The following VWCE variants were observed in gnomAD, a reference collection of about 807,000 sequenced individuals.
VWCE encodes the protein von Willebrand factor C and EGF domains.
Under a neutral mutation model 102.9 loss-of-function variants are expected in VWCE, and 68 were observed. That is an observed-to-expected ratio of 0.66 (90% CI 0.54 to 0.81). The LOEUF (loss-of-function observed/expected upper bound fraction) is 0.81. Among genes scored for constraint, VWCE ranks in the 30% least tolerant of loss-of-function variants. VWCE has a pLI of 0.00. For synonymous variants in VWCE, 497 were observed against 515.4 expected (o/e 0.96, Z 0.48); for missense variants, 1,137 against 1,263.6 (o/e 0.90, Z 1.52).
chr11:61,260,725 T>A (rs1213964123), intron 19 of VWCE, among the ~76,000 whole-genome samples: 2 of 152,166 alleles, frequency 1.3e-5, no homozygotes, highest in Admixed American at 1.3e-4. Flanking sequence ...TATTTTTTAA[T>A]AAAGTGCTGA....
At chr11:61,272,279 T>A (rs1314400859) in intron 13 of VWCE, among the ~76,000 whole-genome samples, 1 of 151,020 alleles carries the variant, frequency 6.6e-6, no homozygotes, top group Non-Finnish European at 1.5e-5. Flanking sequence ...CAAATACACT[T>A]ACATACACAT....
At chr11:61,271,394 C>CGTA in intron 14 of VWCE, 1 of 322,162 alleles carries the variant, frequency 3.1e-6, no homozygotes, top group Non-Finnish European at 6.1e-6. Flanking sequence ...ATCCACCCAC[C>CGTA]TCGGCCTCCC....
chr11:61,269,122 C>A, intron 14 of VWCE, 104 bp from the exon 15 acceptor site: 1 of 1,078,776 alleles, frequency 9.3e-7, no homozygotes. Flanking sequence ...CAAGGCTTGC[C>A]CTGAAAGGCA....
In VWCE at chr11:61,269,035, C is replaced by CT; in HGVS notation, c.1786-18dup. On this transcript the variant is annotated splice_polypyrimidine_tract_variant and intron_variant, in intron 14 of 19. Transcript: ENST00000335613. ...GCCATCTGCCTGGAGGAAGGAGGAA[C>CT]TTCACCAAGACCCCACCGGTGACAC... The CT allele has an allele frequency of 6.2e-7, 1 of 1,613,016 alleles. No homozygotes were observed. Among genetic ancestry groups the CT allele is most frequent in the Non-Finnish European group, 8.5e-7 (1 of 1,179,282 alleles).
At chr11:61,284,538 G>A (rs975020287) in intron 5 of VWCE, among the ~76,000 whole-genome samples, 14 of 152,140 alleles carry the variant, frequency 9.2e-5, no homozygotes, top group Non-Finnish European at 1.6e-4. Flanking sequence ...AGCCCTAACC[G>A]CCAATGTAAT....
At chr11:61,261,473 T>A (rs1002137908) in intron 19 of VWCE, among the ~76,000 whole-genome samples, 7 of 152,028 alleles carry the variant, frequency 4.6e-5, no homozygotes, top group African/African-American at 1.7e-4. Context: ...CTGGGCTCAG[T>A]GGCTCATGCC....
At chr11:61,279,008 C>T (rs1243864758) in intron 9 of VWCE, among the ~76,000 whole-genome samples, 1 of 151,826 alleles carries the variant, frequency 6.6e-6, no homozygotes, top group African/African-American at 2.4e-5. Context: ...CACTGCACTC[C>T]AGCCTGGGTG....
chr11:61,274,648 G>T lies in VWCE; in HGVS notation c.1496-64C>A. Reference sequence around the variant, plus strand: ...GGCAGAGGCAGCTAAAGAAAGGGGGGAACAAATGGGTAGGGAGCCCCGGGG... The same window carrying T: ...GGCAGAGGCAGCTAAAGAAAGGGGGTAACAAATGGGTAGGGAGCCCCGGGG... On this transcript the variant is annotated intron_variant, in intron 11 of 19. Coordinates refer to ENST00000335613, the MANE Select transcript of VWCE (RefSeq NM_152718.2). 4.0e-6 allele frequency: 6 copies of T among 1,483,454 alleles called. No homozygotes were observed. In the South Asian group the frequency reaches 6.9e-5, roughly 17 times the overall value. 91.9% of individuals were successfully genotyped at this position (1,483,454 alleles called of 1,614,324 possible). A position where few individuals can be genotyped will look rare whatever the true frequency, so the allele number is the denominator to read the frequency against.
Position 61,258,600 on chromosome 11 carries a change from T to C in VWCE, c.*75A>G. On this transcript the variant is annotated 3_prime_UTR_variant, in exon 20 of 20. Coordinates refer to ENST00000335613, the MANE Select transcript of VWCE (RefSeq NM_152718.2). ...CAGGCATCCCCACCAGGTTCATCCT[T>C]GGAGCTGCCCTGCACACACCCTGGG... 1 of 1,297,884 alleles carries C rather than the reference T, an allele frequency of 7.7e-7. No individual in the cohort carries two copies. The highest frequency in any genetic ancestry group is 9.9e-7 in the Non-Finnish European group (1 of 1,014,406). The allele number at this position is 1,297,884 out of a possible 1,614,324, so 80.4% of individuals were successfully genotyped here.
In VWCE at chr11:61,294,943, T is replaced by C; in HGVS notation, c.95A>G (p.His32Arg). 1 of 1,446,042 alleles carries C rather than the reference T, an allele frequency of 6.9e-7. No individual in the cohort carries two copies. The highest frequency in any genetic ancestry group is 2.9e-5 in the East Asian group (1 of 34,286). 89.6% of individuals were successfully genotyped at this position (1,446,042 alleles called of 1,614,324 possible). Residue 32 changes from histidine to arginine, a missense_variant, in exon 1 of 20, where the codon CAC (histidine) becomes CGC (arginine). His to Arg is a conservative substitution (Grantham distance 29). Coordinates refer to ENST00000335613, the MANE Select transcript of VWCE (RefSeq NM_152718.2). The surrounding 1 kb of genome is among the most constrained non-coding windows in gnomAD (Gnocchi z 6.3). ...GGGCGCTTACCTCTCGGCCGCGAAG[T>C]GCCCGGGCGGCTTCCTCCCGGTGTA... Reference protein sequence around the residue: ...RGYTGRKPPGHFAAERRRLGP... With the variant: ...RGYTGRKPPGRFAAERRRLGP...
Position 61,291,316 on chromosome 11 carries a change from G to A in VWCE, c.243C>T (p.Ile81=), listed in dbSNP as rs79643116. 5,036 of 1,611,916 alleles carry A rather than the reference G, an allele frequency of 3.1e-3. 149 individuals are homozygous for A. The African/African-American group carries it at 0.058, about 18-fold the overall frequency. ...CSFGCGSGIC[I]APNVCSCQDG... ...CCTGGCAGGAGCAGACATTGGGAGCGATGCAGATGCCACTCCCACAGCCGA... is the reference window on the plus strand; with the variant it reads ...CCTGGCAGGAGCAGACATTGGGAGCAATGCAGATGCCACTCCCACAGCCGA... The change falls in exon 3 of 20, where the codon ATC becomes ATT. Residue 81 remains isoleucine (I), a synonymous_variant. Transcript: ENST00000335613.
rs1424815467 is a variant in VWCE, at chr11:61,273,210, G to A, written c.1688C>T (p.Thr563Ile). Residue 563 changes from threonine (T) to isoleucine (I), a missense_variant, in exon 13 of 20, where the codon ACA (threonine) becomes ATA (isoleucine). Physicochemically the swap from Thr to Ile is moderately conservative, Grantham distance 89. Around this residue, in one of 5 missense-constraint regions of VWCE, gnomAD observed 212 missense variants for 235.1 expected, o/e 0.90. Transcript: ENST00000335613. ...CTGGACCAGCTCACCTGTCGAGGGT[G>A]TGGGCTCCTGGCAGGTGAAGCAACA... ...GQCCFTCQEP[T>I]PSTGCSLDDN... The A allele has an allele frequency of 6.2e-7, 1 of 1,613,854 alleles. No individual in the cohort carries two copies. The highest frequency in any genetic ancestry group is 1.3e-5 in the African/African-American group (1 of 74,892).
In VWCE at chr11:61,291,558, G is replaced by A. The variant is rs1021474673; in HGVS notation, c.129C>T (p.His43=). The change falls in exon 2 of 20, where the codon CAC becomes CAT. Residue 43 remains histidine (H), a synonymous_variant. Transcript: ENST00000335613. ...CACTCCCAAACCCAGAGAGGCAGAC[G>A]TGGGGGCCCAGTCGGCGTCTGCAAG... ...FAAERRRLGP[H]VCLSGFGSGC... 21 of 1,453,392 alleles carry A rather than the reference G, an allele frequency of 1.4e-5. No homozygotes were observed. Among genetic ancestry groups the A allele is most frequent in the African/African-American group, 2.9e-5 (2 of 69,138 alleles). 90.0% of individuals were successfully genotyped at this position (1,453,392 alleles called of 1,614,324 possible).
At chr11:61,279,968 C>G (rs541893412) in intron 9 of VWCE, among the ~76,000 whole-genome samples, 2 of 152,308 alleles carry the variant, frequency 1.3e-5, no homozygotes, top group East Asian at 3.9e-4. Context: ...CTCAAGTGAT[C>G]CGCCCACCTC....
Position 61,258,740 on chromosome 11 carries a change from TGGCTGCAAG to T in VWCE, c.2794_2802del (p.Leu932_Ala934del). On this transcript the variant is annotated inframe_deletion, in exon 20 of 20. Transcript: ENST00000335613. ...GGCTGCTGGGGGCCAGGGTGGGTGG[TGGCTGCAAG>T]GGCTGTGGAGAGTCTAGAGGTGGTG... 1 of 1,388,202 alleles carries T rather than the reference TGGCTGCAAG, an allele frequency of 7.2e-7. No homozygotes were observed. Among genetic ancestry groups the T allele is most frequent in the African/African-American group, 1.5e-5 (1 of 67,840 alleles). 86.0% of individuals were successfully genotyped at this position (1,388,202 alleles called of 1,614,324 possible). A position where few individuals can be genotyped will look rare whatever the true frequency, so the allele number is the denominator to read the frequency against.
Position 61,271,631 on chromosome 11 carries a change from G to C in VWCE, c.1785+44C>G, listed in dbSNP as rs78735340. On this transcript the variant is annotated intron_variant, in intron 14 of 19. Coordinates refer to ENST00000335613, the MANE Select transcript of VWCE (RefSeq NM_152718.2). ...CGCTTGTCTCCTCTGGGTGAGGCGG[G>C]GCAGCCAGGTAAAGCAGCTGAAGGC... 1,298 of 1,562,494 alleles carry C rather than the reference G, an allele frequency of 8.3e-4. 20 individuals are homozygous for C. In the East Asian group the frequency reaches 0.025, roughly 30 times the overall value.
intron 16 of VWCE, among the ~76,000 whole-genome samples, chr11:61,266,147 G>A (rs2134744400): frequency 6.6e-6 from 1 of 152,252 alleles, no homozygotes; most frequent in African/African-American, 2.4e-5. Flanking sequence ...AGGATCACTT[G>A]AGGCCAGGAA....
intron 4 of VWCE, among the ~76,000 whole-genome samples, chr11:61,288,839 GTT>G (rs34247864): frequency 2.2e-5 from 3 of 133,978 alleles, no homozygotes; most frequent in Non-Finnish European, 3.2e-5. Context: ...TTTATGGCGC[GTT>G]TTTTTTTTTT....
chr11:61,281,131 G>C lies in VWCE; in HGVS notation c.892C>G (p.Pro298Ala). 6.2e-7 allele frequency: 1 copy of C among 1,613,694 alleles called. No individual in the cohort carries two copies. The change falls in exon 8 of 20, where the codon CCA (proline) becomes GCA (alanine). Residue 298 changes from proline (P) to alanine (A), a missense_variant. Physicochemically the swap from Pro to Ala is conservative, Grantham distance 27. This residue lies in a region of VWCE where 575 missense variants were observed against 625.9 expected (regional missense o/e 0.92). Transcript: ENST00000335613. ...GCCCCAGAAGGAGGGCTATGTCCTG[G>C]GGACAGGGCAGGCCGGCCGGCCTCA... Reference protein sequence around the residue: ...LPEAGRPALSPGHSPPSGAPG... With the variant: ...LPEAGRPALSAGHSPPSGAPG...
Sources: allele counts gnomAD v4.1 joint callset (sites outside exome capture counted in the v4.1 genomes callset), GRCh38; gene constraint gnomAD v4.1.1; regional missense constraint gnomAD v4.1.1; non-coding constraint Gnocchi (gnomAD v3.1); transcripts MANE v1.5; gene names NCBI Gene and HGNC (gene_info 2026-07-23, HGNC 2026-07-21).